Variants in INTS9 observed in about 807,000 individuals in gnomAD.
INTS9 encodes the protein integrator complex subunit 9, also known as protein related to CPSF subunits of 74 kDa.
A neutral mutation model predicts 79.7 loss-of-function variants in INTS9; 55 were observed. The ratio of observed to expected loss-of-function variants is 0.69; its 90% confidence interval spans 0.56 to 0.86. The LOEUF (loss-of-function observed/expected upper bound fraction) is 0.86, where lower values mean the gene tolerates loss of function less well. Ranked by LOEUF, INTS9 falls within the 40% of genes least tolerant of loss-of-function variation. The pLI is 0.00. For synonymous variants in INTS9, 319 were observed against 325.2 expected (o/e 0.98, Z 0.20); for missense variants, 721 against 831.5 (o/e 0.87, Z 1.64).
rs557124462 is a variant in INTS9 at position 28,820,893 on chromosome 8, A to C, written c.489-7281T>G. On this transcript the variant is annotated intron_variant, in intron 6 of 16. Coordinates refer to ENST00000521022, the MANE Select transcript of INTS9 (RefSeq NM_018250.4). ...TAGTATGTAATGCATATATATTCTG[A>C]CAACACAGATAAGGTAAAAGTGTAA... Among the ~76,000 whole-genome samples, 5 of 150,964 alleles carry C rather than the reference A, an allele frequency of 3.3e-5. No individual in the cohort carries two copies. In the East Asian group the frequency reaches 1.0e-3, roughly 30 times the overall value.
At chr8:28,813,803 C>T in intron 6 of INTS9, 191 bp from the exon 7 acceptor site, 1 of 552,288 alleles carries the variant, frequency 1.8e-6, no homozygotes, top group Non-Finnish European at 3.0e-6. Context: ...ACTGTGTCAC[C>T]AGGCTGGAGT....
chr8:28,780,086 T>G, intron 12 of INTS9, among the ~76,000 whole-genome samples: 1 of 148,038 alleles, frequency 6.8e-6, no homozygotes, highest in African/African-American at 2.5e-5. Flanking sequence ...CTTCATAGCC[T>G]GTAAGATTTC....
At chr8:28,873,515 G>A (rs993559184) in intron 1 of INTS9, among the ~76,000 whole-genome samples, 1 of 152,170 alleles carries the variant, frequency 6.6e-6, no homozygotes, top group African/African-American at 2.4e-5. Context: ...TTCAAGAATA[G>A]GCAAATGTGA....
At chr8:28,844,408 T>C (rs1807375059) in intron 4 of INTS9, among the ~76,000 whole-genome samples, 1 of 152,074 alleles carries the variant, frequency 6.6e-6, no homozygotes, top group South Asian at 2.1e-4. Flanking sequence ...GGTGTGGTTG[T>C]GTGCACCTGT....
intron 11 of INTS9, among the ~76,000 whole-genome samples, chr8:28,781,799 G>C (rs1036975929): frequency 6.6e-6 from 1 of 152,198 alleles, no homozygotes; most frequent in Admixed American, 6.5e-5. Context: ...AACAGGCTGA[G>C]CACAGAGGAT....
intron 1 of INTS9, among the ~76,000 whole-genome samples, chr8:28,869,224 T>C (rs565921661): frequency 1.3e-5 from 2 of 152,308 alleles, no homozygotes; most frequent in South Asian, 4.1e-4. Context: ...AAGTTTAAAA[T>C]AGAGATGGGG....
intron 8 of INTS9, 170 bp from the exon 9 acceptor site, chr8:28,796,825 G>T (rs1804245169): frequency 1.8e-6 from 1 of 563,356 alleles, no homozygotes; most frequent in Non-Finnish European, 3.2e-6. Context: ...GCCTAAGTTG[G>T]GTGGGGACTG....
intron 4 of INTS9, among the ~76,000 whole-genome samples, chr8:28,844,282 A>G (rs1807366372): frequency 6.6e-6 from 1 of 152,122 alleles, no homozygotes. Flanking sequence ...CGGTGGTTCA[A>G]ACCTGTTCTT....
At chr8:28,880,491 C>A (rs1026104617) in intron 1 of INTS9, among the ~76,000 whole-genome samples, 5 of 151,994 alleles carry the variant, frequency 3.3e-5, no homozygotes, top group African/African-American at 1.2e-4. Flanking sequence ...CAGCTCCTAA[C>A]CGCGAGTGAT....
intron 9 of INTS9, 58 bp downstream of exon 9, chr8:28,796,486 T>G (rs1029534686): frequency 8.5e-6 from 8 of 940,398 alleles, no homozygotes; most frequent in Non-Finnish European, 1.4e-5. Flanking sequence ...TTATATTTAT[T>G]ATTGTAAAAT....
At chr8:28,770,755 A>G (rs1355087734) in intron 15 of INTS9, among the ~76,000 whole-genome samples, 1 of 152,152 alleles carries the variant, frequency 6.6e-6, no homozygotes, top group Non-Finnish European at 1.5e-5. Context: ...GTCTCCCCAC[A>G]GCCCTGCCTC....
At chr8:28,792,300 A>G (rs1803958952) in intron 10 of INTS9, among the ~76,000 whole-genome samples, 1 of 152,184 alleles carries the variant, frequency 6.6e-6, no homozygotes, top group Admixed American at 6.5e-5. Context: ...ACTAAAACAA[A>G]TTCCAGATAA....
chr8:28,850,070 A>C lies in INTS9; in HGVS notation c.198+143T>G, dbSNP rs1585470879. ...AAAAACAGCAGTTACCATGTTCTGA[A>C]GACCCTAGCATAGATCTTGGGGATT... On this transcript the variant is annotated intron_variant, in intron 3 of 16. Transcript: ENST00000521022. The C allele has an allele frequency of 1.3e-5, 7 of 541,578 alleles. No homozygotes were observed. In the Admixed American group the frequency reaches 2.0e-4, roughly 15 times the overall value. The allele number at this position is 541,578 out of a possible 1,614,324, so 33.5% of individuals were successfully genotyped here.
chr8:28,781,486 T>C (rs1229149548), intron 11 of INTS9, among the ~76,000 whole-genome samples: 1 of 152,216 alleles, frequency 6.6e-6, no homozygotes, highest in Non-Finnish European at 1.5e-5. Flanking sequence ...TGAAAAATCA[T>C]GTCCACAAGA....
chr8:28,836,774 C>A (rs1806827692), intron 5 of INTS9, among the ~76,000 whole-genome samples: 1 of 152,088 alleles, frequency 6.6e-6, no homozygotes. Context: ...TATGAGAGCC[C>A]TTCCTCAGCT....
At chr8:28,804,792 G>A (rs1174084314) in intron 8 of INTS9, among the ~76,000 whole-genome samples, 1 of 152,160 alleles carries the variant, frequency 6.6e-6, no homozygotes, top group East Asian at 1.9e-4. Context: ...TACACAGAGG[G>A]CAATTAAAAT....
intron 6 of INTS9, among the ~76,000 whole-genome samples, chr8:28,815,596 C>T (rs547901710): frequency 6.6e-6 from 1 of 152,194 alleles, no homozygotes; most frequent in South Asian, 2.1e-4. Context: ...CGGAAAAAGT[C>T]TGAAGTCTGA....
intron 2 of INTS9, among the ~76,000 whole-genome samples, chr8:28,858,771 T>C (rs1385264490): frequency 6.6e-6 from 1 of 152,224 alleles, no homozygotes; most frequent in Non-Finnish European, 1.5e-5. Context: ...TAAATCTGCT[T>C]TAGATAGCTT....
chr8:28,799,032 C>T (rs1265006120), intron 8 of INTS9, among the ~76,000 whole-genome samples: 1 of 152,200 alleles, frequency 6.6e-6, no homozygotes. Context: ...CTCAGTGGCT[C>T]ACACCTGTAA....
Sources: allele counts gnomAD v4.1 joint callset (sites outside exome capture counted in the v4.1 genomes callset), GRCh38; gene constraint gnomAD v4.1.1; transcripts MANE v1.5; gene names NCBI Gene and HGNC (gene_info 2026-07-23, HGNC 2026-07-21).